The following INSL6 variants were observed in gnomAD, a reference collection of about 807,000 sequenced individuals.
INSL6 encodes the protein insulin like 6, also known as insulin-like peptide INSL6.
INSL6 carries 16 observed loss-of-function variants against 9.4 expected under a neutral mutation model. The ratio of observed to expected loss-of-function variants is 1.70; its 90% CI spans 1.15 to 2.59. The LOEUF is 2.59. INSL6 is among the 30% of genes most tolerant of loss of function. The pLI, the probability that INSL6 is intolerant of heterozygous loss-of-function variation, is 0.00. For synonymous variants in INSL6, 154 were observed against 96.9 expected (o/e 1.59, Z -3.46); for missense variants, 391 against 257.3 (o/e 1.52, Z -3.56).
At chr9:5,098,111 A>G in the INSL6 span, 5 of 152,204 alleles carry the variant, frequency 3.3e-5, no homozygotes, top group Non-Finnish European at 7.3e-5. Flanking sequence ...AACTATAACA[A>G]TTGAACAACC....
At chr9:5,163,011 T>C (rs140362680), downstream of INSL6, among the ~76,000 whole-genome samples, 136 of 152,292 alleles carry the variant, frequency 8.9e-4, 1 homozygote, top group East Asian at 5.2e-3. Flanking sequence ...AACATCTATA[T>C]TGAGTTGAGA....
At chr9:5,043,851 G>T in the INSL6 span, among the ~76,000 whole-genome samples, 1 of 152,166 alleles carries the variant, frequency 6.6e-6, no homozygotes, top group Non-Finnish European at 1.5e-5. Context: ...AGACAGAAAG[G>T]CCACATGTTC....
the INSL6 span, among the ~76,000 whole-genome samples, chr9:5,002,012 G>A: frequency 6.6e-6 from 1 of 151,778 alleles, no homozygotes; most frequent in Non-Finnish European, 1.5e-5. Flanking sequence ...AATCTGTAGC[G>A]ATATCCTGCT....
the INSL6 span, among the ~76,000 whole-genome samples, chr9:5,007,540 A>G: frequency 6.6e-6 from 1 of 152,098 alleles, no homozygotes; most frequent in Non-Finnish European, 1.5e-5. Flanking sequence ...GGTATTAAGA[A>G]TAGCATAAAT....
At chr9:5,004,304 T>A in the INSL6 span, among the ~76,000 whole-genome samples, 3 of 152,288 alleles carry the variant, frequency 2.0e-5, no homozygotes, top group South Asian at 4.1e-4. Context: ...ACCCTCAGCC[T>A]CTGGTAACTG....
chr9:5,029,739 C>G, the INSL6 span: 8 of 1,506,218 alleles, frequency 5.3e-6, no homozygotes, highest in Non-Finnish European at 6.3e-6. Context: ...TAAAAATATT[C>G]TGTTGTGTAC....
chr9:5,086,328 T>C, the INSL6 span, among the ~76,000 whole-genome samples: 1 of 152,200 alleles, frequency 6.6e-6, no homozygotes, highest in Non-Finnish European at 1.5e-5. Context: ...ATCCTTTACC[T>C]TCTCGCTTCA....
At chr9:4,997,333 A>T in the INSL6 span, among the ~76,000 whole-genome samples, 38,207 of 152,130 alleles carry the variant, frequency 0.25, 5,100 homozygotes, top group South Asian at 0.32. Flanking sequence ...GCTTACAAGC[A>T]TGGGGCTGAC....
chr9:5,022,052 A>C, the INSL6 span: 1 of 1,614,130 alleles, frequency 6.2e-7, no homozygotes, highest in South Asian at 1.1e-5. Flanking sequence ...ATATATCAGA[A>C]TGGTGATATT....
chr9:5,131,185 A>G (rs1281708016), intron 3 of INSL6, among the ~76,000 whole-genome samples: 1 of 152,190 alleles, frequency 6.6e-6, no homozygotes. Flanking sequence ...TTAGTGGAAT[A>G]CTACTTGAAG....
the INSL6 span, chr9:5,110,757 G>A: frequency 1.1e-5 from 4 of 380,232 alleles, no homozygotes; most frequent in Non-Finnish European, 2.0e-5. Flanking sequence ...TTGCTCTGCG[G>A]ACTGGCCATG....
chr9:5,023,445 G>A, the INSL6 span, among the ~76,000 whole-genome samples: 2 of 152,084 alleles, frequency 1.3e-5, no homozygotes, highest in Admixed American at 1.3e-4. Flanking sequence ...GGGGGAGCGT[G>A]GGACCCAGTG....
At chr9:5,086,349 T>C in the INSL6 span, among the ~76,000 whole-genome samples, 13 of 152,040 alleles carry the variant, frequency 8.6e-5, no homozygotes, top group East Asian at 1.7e-3. Context: ...CTCCTAGCGG[T>C]TTTGAAATCC....
chr9:5,134,738 A>G (rs2130881934), intron 2 of INSL6, among the ~76,000 whole-genome samples: 1 of 152,354 alleles, frequency 6.6e-6, no homozygotes, highest in African/African-American at 2.4e-5. Context: ...AAAACATGCC[A>G]AATTGTAAAG....
downstream of INSL6, among the ~76,000 whole-genome samples, chr9:5,121,733 A>C (rs1823628837): frequency 6.6e-6 from 1 of 152,148 alleles, no homozygotes; most frequent in Non-Finnish European, 1.5e-5. Flanking sequence ...AAGAAGGAGG[A>C]GTCTTTCTTC....
intron 3 of INSL6, among the ~76,000 whole-genome samples, chr9:5,125,019 T>C (rs1823882640): frequency 6.6e-6 from 1 of 151,442 alleles, no homozygotes; most frequent in Admixed American, 6.6e-5. Context: ...GCTAATTCAT[T>C]CTAGGAATTA....
chr9:5,167,897 C>A (rs549488462), intron 1 of INSL6, among the ~76,000 whole-genome samples: 3 of 152,150 alleles, frequency 2.0e-5, no homozygotes, highest in Non-Finnish European at 4.4e-5. Flanking sequence ...TGGTCTGCAG[C>A]CTCCACGGTG....
chr9:5,172,410 C>G (rs559643280), intron 1 of INSL6, among the ~76,000 whole-genome samples: 92 of 152,238 alleles, frequency 6.0e-4, no homozygotes, highest in African/African-American at 1.8e-3. Context: ...GCAAAGATTT[C>G]AGGACAAAAT....
At chr9:5,050,285 T>A in the INSL6 span, among the ~76,000 whole-genome samples, 3 of 152,328 alleles carry the variant, frequency 2.0e-5, no homozygotes, top group Admixed American at 6.5e-5. Flanking sequence ...GAGGAATTTA[T>A]GCCATTTATT....
Sources: gnomAD v4.1 joint callset for allele counts (sites outside exome capture counted in the v4.1 genomes callset) on GRCh38, gnomAD v4.1.1 for gene constraint, MANE v1.5 for transcripts, NCBI Gene and HGNC (gene_info 2026-07-23, HGNC 2026-07-21) for gene names.